KCNMA1: variants seen among roughly 807,000 people sequenced by gnomAD.
KCNMA1 encodes the protein potassium calcium-activated channel subfamily M alpha 1, also known as Calcium-activated potassium channel subunit alpha-1.
Under a neutral mutation model 140.0 loss-of-function variants are expected in KCNMA1, and 29 were observed. The ratio of observed to expected loss-of-function variants is 0.21; its 90% CI spans 0.15 to 0.28. The LOEUF (loss-of-function observed/expected upper bound fraction) is 0.28. KCNMA1 is among the 10% of genes least tolerant of loss of function. The pLI is 1.00. For missense variants in KCNMA1, 880 were observed against 1,602.2 expected, an observed-to-expected ratio of 0.55 and a Z score of 7.70; for synonymous variants, 612 against 611.9, an observed-to-expected ratio of 1.00 and a Z score of 0.00.
At chr10:76,987,612 A>G (rs1418200581) in intron 19 of KCNMA1, among the ~76,000 whole-genome samples, 4 of 152,226 alleles carry the variant, frequency 2.6e-5, no homozygotes, top group Non-Finnish European at 5.9e-5. Context: ...CCCATGGGAC[A>G]GTGTGCTGAC....
Position 77,095,752 on chromosome 10 carries a change from G to C in KCNMA1, c.1224-5242C>G, listed in dbSNP as rs78471192. Reference sequence around the variant, plus strand: ...TCTCAATCCTTCTACTCTCTTCTCAGTGATGGGCCAGGAAAGCCTGCATGC... The same window carrying C: ...TCTCAATCCTTCTACTCTCTTCTCACTGATGGGCCAGGAAAGCCTGCATGC... On this transcript the variant is annotated intron_variant, in intron 9 of 27. Coordinates refer to ENST00000286628, the MANE Select transcript of KCNMA1 (RefSeq NM_001161352.2). Among the ~76,000 whole-genome samples the C allele has an allele frequency of 3.7e-3, 563 of 152,284 alleles. 5 individuals are homozygous for C. The highest frequency in any genetic ancestry group is 0.013 in the African/African-American group (539 of 41,562).
At chr10:76,981,582 G>A (rs1054158062) in intron 19 of KCNMA1, among the ~76,000 whole-genome samples, 3 of 152,144 alleles carry the variant, frequency 2.0e-5, no homozygotes, top group Admixed American at 6.5e-5. Context: ...AAGGGGCAGA[G>A]GCATGGCGGG....
intron 2 of KCNMA1, among the ~76,000 whole-genome samples, chr10:77,382,879 A>ATAT (rs1566443608): frequency 4.4e-5 from 5 of 113,328 alleles, no homozygotes; most frequent in Non-Finnish European, 7.8e-5. Context: ...AAAAAAAAAA[A>ATAT]AAAAAAATAT....
intron 5 of KCNMA1, among the ~76,000 whole-genome samples, chr10:77,127,016 A>G (rs2097756344): frequency 6.6e-6 from 1 of 151,786 alleles, no homozygotes; most frequent in South Asian, 2.1e-4. Context: ...AGGAGTGTAC[A>G]CACGCCACAG....
chr10:77,044,257 T>G (rs930914837), intron 14 of KCNMA1, among the ~76,000 whole-genome samples: 5 of 152,154 alleles, frequency 3.3e-5, no homozygotes, highest in African/African-American at 1.2e-4. Context: ...CAAGGTAACT[T>G]TTCTAAGTCT....
intron 2 of KCNMA1, among the ~76,000 whole-genome samples, chr10:77,380,132 CA>C (rs1440787053): frequency 5.9e-5 from 9 of 152,176 alleles, no homozygotes; most frequent in Non-Finnish European, 1.3e-4. Flanking sequence ...ACAGGTTAAA[CA>C]AAATATTTTG....
At position 76,885,245 on chromosome 10, in the gene KCNMA1, A is replaced by C; in HGVS notation, c.*2021T>G. ...TATATATATAATTATATAGTTATAT[A>C]TATATAATTATATATAGTTTATATA... On this transcript the variant is annotated 3_prime_UTR_variant, in exon 28 of 28. Transcript: ENST00000286628. The C allele has an allele frequency of 2.0e-6, 1 of 488,432 alleles. No individual in the cohort carries two copies. The highest frequency in any genetic ancestry group is 2.7e-6 in the Non-Finnish European group (1 of 376,730). 30.3% of individuals were successfully genotyped at this position (488,432 alleles called of 1,614,324 possible). A position where few individuals can be genotyped will look rare whatever the true frequency, so the allele number is the denominator to read the frequency against.
intron 4 of KCNMA1, 60 bp from the exon 5 acceptor site, chr10:77,183,592 A>G (rs1466295435): frequency 1.8e-6 from 2 of 1,138,840 alleles, no homozygotes; most frequent in East Asian, 2.5e-5. Context: ...CTGGCATCCA[A>G]TGTACACTCT....
chr10:77,344,230 G>A (rs1015021403), intron 2 of KCNMA1, among the ~76,000 whole-genome samples: 1 of 152,228 alleles, frequency 6.6e-6, no homozygotes, highest in South Asian at 2.1e-4. Context: ...AGAGTTGCGT[G>A]AGGGCTCACG....
intron 1 of KCNMA1, among the ~76,000 whole-genome samples, chr10:77,558,432 T>C (rs890254428): frequency 1.8e-4 from 28 of 152,094 alleles, no homozygotes; most frequent in Non-Finnish European, 2.9e-5. Flanking sequence ...ACCAAGGCCC[T>C]GGAAGACAGC....
chr10:77,319,410 C>T (rs1482245512), intron 2 of KCNMA1, among the ~76,000 whole-genome samples: 3 of 152,166 alleles, frequency 2.0e-5, no homozygotes, highest in Non-Finnish European at 2.9e-5. Context: ...GCCTTAGTTC[C>T]TTCCAGGCCA....
intron 23 of KCNMA1, among the ~76,000 whole-genome samples, chr10:76,937,881 G>C (rs1192779278): frequency 6.6e-6 from 1 of 152,030 alleles, no homozygotes; most frequent in Admixed American, 6.6e-5. Context: ...AGGTCAAAGA[G>C]GGCGGGAGGA....
In KCNMA1 at chr10:77,108,184, G is replaced by T; in HGVS notation, c.1223+297C>A. ...TGCAGAAACTGGGCCTTCCCTCACA[G>T]AAGCACCCGGTGGGGTTGGGGAGGG... On this transcript the variant is annotated intron_variant, in intron 9 of 27. Transcript: ENST00000286628. The surrounding 1 kb of genome is among the most constrained non-coding windows in gnomAD (Gnocchi z 4.6). The T allele has an allele frequency of 1.0e-6, 1 of 952,604 alleles. No individual in the cohort carries two copies. Among genetic ancestry groups the T allele is most frequent in the Non-Finnish European group, 1.5e-6 (1 of 660,346 alleles). The allele number at this position is 952,604 out of a possible 1,614,324, so 59.0% of individuals were successfully genotyped here.
At chr10:77,587,747 T>G (rs2077679565) in intron 1 of KCNMA1, 1 of 985,300 alleles carries the variant, frequency 1.0e-6, no homozygotes, top group African/African-American at 1.7e-5. Context: ...TCCCAGGTGC[T>G]TTCATGTCTT....
Position 77,198,568 on chromosome 10 carries a change from G to GATATATATATATATATAT in KCNMA1, c.603-13670_603-13653dup, listed in dbSNP as rs3998087. ...TCATCAGCAAAAAGCATATATATGT[G>GATATATATATATATATAT]ATATATATATATATATATATATATA... On this transcript the variant is annotated intron_variant, in intron 3 of 27. Coordinates refer to ENST00000286628, the MANE Select transcript of KCNMA1 (RefSeq NM_001161352.2). 1.3e-3 allele frequency among the ~76,000 whole-genome samples: 176 copies of GATATATATATATATATAT among 138,390 alleles called. 1 individual carries two copies. The highest frequency in any genetic ancestry group is 8.2e-3 in the Middle Eastern group (2 of 244). 90.8% of individuals were successfully genotyped at this position (138,390 alleles called of 152,430 possible).
chr10:76,874,194 A>C (rs536372367), downstream of KCNMA1: 2 of 152,352 alleles, frequency 1.3e-5, no homozygotes, highest in East Asian at 3.9e-4. Flanking sequence ...CCTAAAGAGA[A>C]TCTAAAGTGA....
rs554202223 is a variant in KCNMA1 at position 77,044,466 on chromosome 10, C to G, written c.1750-4829G>C. Among the ~76,000 whole-genome samples, 5 of 152,056 alleles carry G rather than the reference C, an allele frequency of 3.3e-5. No homozygotes were observed. The South Asian group carries it at 8.3e-4, about 25-fold the overall frequency. ...ATATTTGAGACCAGCCTGGGCAACA[C>G]AGCAAGACCCTGTCTCTACAAAAAA... On this transcript the variant is annotated intron_variant, in intron 14 of 27. Transcript: ENST00000286628.
At chr10:77,311,842 C>T (rs2154344928) in intron 2 of KCNMA1, among the ~76,000 whole-genome samples, 1 of 152,332 alleles carries the variant, frequency 6.6e-6, no homozygotes, top group African/African-American at 2.4e-5. Flanking sequence ...CTGCCTCCCT[C>T]ACAATGGTCT....
intron 19 of KCNMA1, among the ~76,000 whole-genome samples, chr10:76,972,772 T>C (rs1179420744): frequency 6.6e-6 from 1 of 152,130 alleles, no homozygotes; most frequent in Non-Finnish European, 1.5e-5. Flanking sequence ...GGGGAAAATG[T>C]CTCCAGCTTA....
Sources: gnomAD v4.1 joint callset for allele counts (sites outside exome capture counted in the v4.1 genomes callset) on GRCh38, gnomAD v4.1.1 for gene constraint, Gnocchi (gnomAD v3.1) non-coding constraint, MANE v1.5 for transcripts, NCBI Gene and HGNC (gene_info 2026-07-23, HGNC 2026-07-21) for gene names.